Variants in SEMA5A observed in about 807,000 individuals in gnomAD.
SEMA5A encodes semaphorin-5A.
In SEMA5A, 55 loss-of-function variants were observed where a neutral mutation model predicts 135.5. The observed-to-expected ratio is 0.41, with a 90% CI of 0.33 to 0.51. The LOEUF (loss-of-function observed/expected upper bound fraction) is 0.51, where lower values mean the gene tolerates loss of function less well. Among genes scored for constraint, SEMA5A ranks in the 20% least tolerant of loss-of-function variants. The pLI, the probability that SEMA5A is intolerant of heterozygous loss-of-function variation, is 0.37. For synonymous variants in SEMA5A, 580 were observed against 546.5 expected, an observed-to-expected ratio of 1.06 and a Z score of -0.85; for missense variants, 1,290 against 1,419.9, an observed-to-expected ratio of 0.91 and a Z score of 1.47.
intron 18 of SEMA5A, among the ~76,000 whole-genome samples, chr5:9,059,696 C>T (rs1294437323): frequency 2.6e-5 from 4 of 152,094 alleles, no homozygotes; most frequent in Admixed American, 2.6e-4. Context: ...ATTACAGGTA[C>T]ATGCCACCAT....
At position 9,109,028 on chromosome 5, in the gene SEMA5A, A is replaced by ATTTTTTT. The variant is rs67762219; in HGVS notation, c.1926-748_1926-742dup. On this transcript the variant is annotated intron_variant, in intron 15 of 22. Transcript: ENST00000382496. ...TCATGAGTCATATTATTTCTCTTCA[A>ATTTTTTT]TTTTTTTTTTTTTTTTTTTTTTTTT... Among the ~76,000 whole-genome samples the ATTTTTTT allele has an allele frequency of 4.7e-3, 435 of 92,410 alleles. 40 individuals carry two copies. The highest frequency in any genetic ancestry group is 0.017 in the African/African-American group (379 of 21,724). 60.6% of individuals were successfully genotyped at this position (92,410 alleles called of 152,430 possible).
chr5:9,417,929 T>C (rs1757334936), intron 2 of SEMA5A, among the ~76,000 whole-genome samples: 1 of 151,442 alleles, frequency 6.6e-6, no homozygotes, highest in African/African-American at 2.4e-5. Context: ...ACCTTTTGTA[T>C]CCTCACATGG....
chr5:9,346,165 T>C (rs933119470), intron 3 of SEMA5A, among the ~76,000 whole-genome samples: 2 of 152,134 alleles, frequency 1.3e-5, no homozygotes, highest in Non-Finnish European at 2.9e-5. Context: ...TTGTGGACTA[T>C]GGCTGGATGT....
chr5:9,122,309 C>T (rs920301334), intron 14 of SEMA5A, among the ~76,000 whole-genome samples: 1 of 152,134 alleles, frequency 6.6e-6, no homozygotes, highest in African/African-American at 2.4e-5. Flanking sequence ...TACCTCCTAA[C>T]CTAGTGTTAT....
intron 12 of SEMA5A, among the ~76,000 whole-genome samples, chr5:9,141,523 A>G (rs1199805055): frequency 1.3e-5 from 2 of 152,168 alleles, no homozygotes; most frequent in South Asian, 2.1e-4. Flanking sequence ...AAGTATCTGA[A>G]TTTAGATAAA....
intron 15 of SEMA5A, among the ~76,000 whole-genome samples, chr5:9,115,945 G>A (rs987404163): frequency 1.3e-5 from 2 of 152,160 alleles, no homozygotes; most frequent in African/African-American, 4.8e-5. Flanking sequence ...CTTTCCTGCT[G>A]GATTTTAAAA....
intron 1 of SEMA5A, among the ~76,000 whole-genome samples, chr5:9,475,753 T>C (rs2126765582): frequency 1.3e-5 from 2 of 152,292 alleles, no homozygotes; most frequent in South Asian, 4.1e-4. Flanking sequence ...GTCTCATTCA[T>C]ATTTGTATTA....
chr5:9,359,585 CTGAAGGT>C, intron 3 of SEMA5A, among the ~76,000 whole-genome samples: 1 of 152,142 alleles, frequency 6.6e-6, no homozygotes, highest in Admixed American at 6.5e-5. Flanking sequence ...CCTTCCTTTC[CTGAAGGT>C]CATGATGTAA....
At chr5:9,479,751 A>G (rs1424173883) in intron 1 of SEMA5A, among the ~76,000 whole-genome samples, 1 of 152,210 alleles carries the variant, frequency 6.6e-6, no homozygotes, top group Non-Finnish European at 1.5e-5. Flanking sequence ...AGAATCATGT[A>G]TACAACCTGT....
intron 5 of SEMA5A, among the ~76,000 whole-genome samples, chr5:9,308,164 T>C (rs945683562): frequency 2.6e-5 from 4 of 152,198 alleles, no homozygotes; most frequent in African/African-American, 4.8e-5. Flanking sequence ...TCAATCATAG[T>C]GGGTGCTATC....
chr5:9,208,954 C>A (rs200838014), intron 8 of SEMA5A, among the ~76,000 whole-genome samples: 1 of 152,122 alleles, frequency 6.6e-6, no homozygotes, highest in Non-Finnish European at 1.5e-5. Context: ...ATTGCTAAGA[C>A]CCTTGCAGTA....
chr5:9,199,897 A>G (rs1458953226), intron 9 of SEMA5A, among the ~76,000 whole-genome samples: 3 of 152,164 alleles, frequency 2.0e-5, no homozygotes, highest in East Asian at 3.9e-4. Context: ...CGTGCTAGGA[A>G]CAGAAGGAGT....
At chr5:9,498,057 G>A (rs916926014) in intron 1 of SEMA5A, among the ~76,000 whole-genome samples, 3 of 152,164 alleles carry the variant, frequency 2.0e-5, no homozygotes, top group African/African-American at 4.8e-5. Context: ...TAAATTTTCT[G>A]TATACTACGA....
intron 7 of SEMA5A, among the ~76,000 whole-genome samples, chr5:9,225,818 T>C (rs1747277754): frequency 6.6e-6 from 1 of 152,120 alleles, no homozygotes; most frequent in Non-Finnish European, 1.5e-5. Context: ...AGAAAAGCTC[T>C]TGGGTACTGG....
At chr5:9,103,443 G>A (rs571785384) in intron 16 of SEMA5A, among the ~76,000 whole-genome samples, 9 of 152,158 alleles carry the variant, frequency 5.9e-5, no homozygotes, top group Non-Finnish European at 1.3e-4. Context: ...ACTGACCCTC[G>A]CAGAATCCCT....
At chr5:9,542,997 G>GA (rs1738174338) in intron 1 of SEMA5A, among the ~76,000 whole-genome samples, 1 of 152,148 alleles carries the variant, frequency 6.6e-6, no homozygotes, top group African/African-American at 2.4e-5. Flanking sequence ...CAATTTCAAT[G>GA]ACTTTATGAC....
intron 8 of SEMA5A, among the ~76,000 whole-genome samples, chr5:9,220,718 T>C (rs917016029): frequency 6.6e-6 from 1 of 152,210 alleles, no homozygotes; most frequent in Non-Finnish European, 1.5e-5. Flanking sequence ...AGCCACAGCG[T>C]GCACTACCTA....
At chr5:9,516,683 A>G (rs952583565) in intron 1 of SEMA5A, 1 of 152,206 alleles carries the variant, frequency 6.6e-6, no homozygotes, top group Admixed American at 6.5e-5. Context: ...GGAACCCCAG[A>G]AGAGGGAAGA....
intron 5 of SEMA5A, among the ~76,000 whole-genome samples, chr5:9,304,574 A>C (rs549920430): frequency 8.5e-5 from 13 of 152,262 alleles, no homozygotes; most frequent in African/African-American, 3.1e-4. Flanking sequence ...TAAAGCAAAA[A>C]CTTTCAACTC....
Sources: gnomAD v4.1 joint callset for allele counts (sites outside exome capture counted in the v4.1 genomes callset) on GRCh38, gnomAD v4.1.1 for gene constraint, MANE v1.5 for transcripts, NCBI Gene and HGNC (gene_info 2026-07-23, HGNC 2026-07-21) for gene names.